The following EZH1 variants were observed in gnomAD, a reference collection of about 807,000 sequenced individuals.
EZH1 encodes enhancer of zeste 1 polycomb repressive complex 2 subunit.
Under a neutral mutation model 100.5 loss-of-function variants are expected in EZH1, and 33 were observed. The observed-to-expected ratio is 0.33, with a 90% CI of 0.25 to 0.44. The LOEUF is 0.44. Ranked by LOEUF, EZH1 falls within the 20% of genes least tolerant of loss-of-function variation. EZH1 has a pLI of 1.00. For synonymous variants in EZH1, 272 were observed against 313.8 expected (o/e 0.87, Z 1.41); for missense variants, 475 against 928.4 (o/e 0.51, Z 6.35).
At chr17:42,744,921 AT>A in intron 1 of EZH1, 89 bp downstream of exon 1, 1 of 1,214,780 alleles carries the variant, frequency 8.2e-7, no homozygotes, top group South Asian at 1.3e-5. Context: ...CAATTTCCTG[AT>A]CCCTCCGCCT....
intron 2 of EZH1, among the ~76,000 whole-genome samples, chr17:42,729,684 A>G (rs1036126733): frequency 2.6e-5 from 4 of 151,402 alleles, no homozygotes; most frequent in African/African-American, 9.7e-5. Context: ...AGTTGCAGTA[A>G]GCCGAGATCG....
chr17:42,722,931 A>T lies in EZH1; in HGVS notation c.367-16T>A. The T allele has an allele frequency of 6.2e-7, 1 of 1,610,426 alleles. No homozygotes were observed. Among genetic ancestry groups the T allele is most frequent in the Non-Finnish European group, 8.5e-7 (1 of 1,178,638 alleles). On this transcript the variant is annotated splice_polypyrimidine_tract_variant and intron_variant, in intron 5 of 20. Coordinates refer to ENST00000428826, the MANE Select transcript of EZH1 (RefSeq NM_001991.5). ...CATCTTCTACCTGAAACCAAACCAG[A>T]TGTGATTTATTCCATGAAGCCATCA...
intron 1 of EZH1, among the ~76,000 whole-genome samples, chr17:42,743,329 C>T (rs1380134161): frequency 6.6e-6 from 1 of 151,734 alleles, no homozygotes; most frequent in African/African-American, 2.4e-5. Context: ...TGCCACCACA[C>T]CTGATTAATT....
rs570884923 is a variant in EZH1, at chr17:42,705,770, G to A, written c.1839+237C>T. ...CTTGACCTCATGATCCGCTGGCCTC[G>A]GCCTCCCAAACTGCTGGGATTACAG... On this transcript the variant is annotated intron_variant, in intron 16 of 20. Transcript: ENST00000428826. 1.1e-3 allele frequency: 366 copies of A among 346,344 alleles called. 1 individual carries two copies. Among genetic ancestry groups the A allele is most frequent in the Admixed American group, 1.4e-3 (32 of 22,074 alleles). The allele number at this position is 346,344 out of a possible 1,614,324, so 21.5% of individuals were successfully genotyped here.
At chr17:42,740,963 TAC>T (rs2054165042) in intron 1 of EZH1, among the ~76,000 whole-genome samples, 1 of 152,208 alleles carries the variant, frequency 6.6e-6, no homozygotes, top group South Asian at 2.1e-4. Context: ...ATCCAATATG[TAC>T]ACAGTTTGGA....
chr17:42,713,663 C>T (rs1430559704), intron 10 of EZH1, among the ~76,000 whole-genome samples: 1 of 152,088 alleles, frequency 6.6e-6, no homozygotes, highest in Non-Finnish European at 1.5e-5. Flanking sequence ...AGTGCAGAGG[C>T]CTGCTCACTG....
Position 42,700,590 on chromosome 17 carries a change from AC to A in EZH1, c.*1941del, listed in dbSNP as rs1307841089. On this transcript the variant is annotated 3_prime_UTR_variant, in exon 21 of 21. Transcript: ENST00000428826. ...AAAGGCTGGTGAAAAGTTTTTTTTC[AC>A]CTATTCCTCACAGCGAGCCCCTGGC... 6.6e-6 allele frequency: 1 copy of A among 152,124 alleles called. No homozygotes were observed. The highest frequency in any genetic ancestry group is 1.5e-5 in the Non-Finnish European group (1 of 68,002). The allele number at this position is 152,124 out of a possible 1,614,324, so 9.4% of individuals were successfully genotyped here. A position where few individuals can be genotyped will look rare whatever the true frequency, so the allele number is the denominator to read the frequency against.
At chr17:42,733,483 T>C (rs2053997184) in intron 1 of EZH1, among the ~76,000 whole-genome samples, 1 of 148,934 alleles carries the variant, frequency 6.7e-6, no homozygotes, top group Admixed American at 6.8e-5. Flanking sequence ...CTTCTAAAAA[T>C]ACAAAAAATT....
chr17:42,729,204 T>G, intron 2 of EZH1: 1 of 312,412 alleles, frequency 3.2e-6, no homozygotes, highest in Non-Finnish European at 6.0e-6. Context: ...CCCAGTGATT[T>G]GAGACAACCT....
chr17:42,702,726 G>A, intron 20 of EZH1, 134 bp from the exon 21 acceptor site: 1 of 1,259,322 alleles, frequency 7.9e-7, no homozygotes, highest in Non-Finnish European at 1.1e-6. Context: ...CTGAGGCAAG[G>A]CACCAGATAT....
chr17:42,729,467 G>A (rs2053893285), intron 2 of EZH1, among the ~76,000 whole-genome samples: 1 of 151,982 alleles, frequency 6.6e-6, no homozygotes, highest in African/African-American at 2.4e-5. Context: ...GGTGGCTCAC[G>A]CCTGTAATCC....
Position 42,724,933 on chromosome 17 carries a change from C to G in EZH1, c.247-509G>C, listed in dbSNP as rs968358433. Among the ~76,000 whole-genome samples the G allele has an allele frequency of 3.9e-5, 6 of 152,082 alleles. No homozygotes were observed. In the East Asian group the frequency reaches 1.2e-3, roughly 29 times the overall value. On this transcript the variant is annotated intron_variant, in intron 4 of 20. Transcript: ENST00000428826. ...CCTGTAATCCCAGCACTTTGGGAGA[C>G]CGAGGCGGGTGGATCATGAAGTCAG... is the stretch of plus-strand genomic sequence containing the variant.
chr17:42,704,558 A>G, intron 18 of EZH1, 44 bp downstream of exon 18: 3 of 1,528,520 alleles, frequency 2.0e-6, no homozygotes, highest in Non-Finnish European at 2.7e-6. Context: ...AAAAAAAGAA[A>G]AAAAAAAAAG....
chr17:42,727,525 G>T, intron 4 of EZH1, 110 bp downstream of exon 4: 1 of 1,318,082 alleles, frequency 7.6e-7, no homozygotes, highest in Non-Finnish European at 1.0e-6. Flanking sequence ...ATACTTGTGT[G>T]AGCCACCATA....
chr17:42,728,658 C>T (rs1299068804), intron 3 of EZH1, among the ~76,000 whole-genome samples, 167 bp downstream of exon 3: 3 of 150,708 alleles, frequency 2.0e-5, no homozygotes, highest in Non-Finnish European at 3.0e-5. Flanking sequence ...AGGAGAATGG[C>T]GTGAACCTGC....
intron 1 of EZH1, among the ~76,000 whole-genome samples, chr17:42,738,363 T>C (rs1002547588): frequency 1.2e-4 from 18 of 152,122 alleles, no homozygotes; most frequent in African/African-American, 4.3e-4. Context: ...ATAATTTTAT[T>C]AACCAGCAAG....
chr17:42,703,872 C>A (rs1283572846), intron 18 of EZH1, 52 bp from the exon 19 acceptor site: 1 of 1,270,148 alleles, frequency 7.9e-7, no homozygotes, highest in African/African-American at 1.5e-5. Context: ...AATTCCACAG[C>A]TTCTCAGCTT....
intron 10 of EZH1, among the ~76,000 whole-genome samples, chr17:42,714,953 AATAT>A (rs1215396550): frequency 7.2e-6 from 1 of 139,426 alleles, no homozygotes; most frequent in African/African-American, 2.6e-5. Context: ...ATATTTATAT[AATAT>A]ATAAATATAT....
chr17:42,722,235 T>G (rs1169132919), intron 6 of EZH1, among the ~76,000 whole-genome samples: 1 of 149,378 alleles, frequency 6.7e-6, no homozygotes, highest in East Asian at 2.0e-4. Flanking sequence ...GAAAATCACT[T>G]AAGCCCAGGA....
Sources: allele counts gnomAD v4.1 joint callset (sites outside exome capture counted in the v4.1 genomes callset), GRCh38; gene constraint gnomAD v4.1.1; transcripts MANE v1.5; gene names NCBI Gene and HGNC (gene_info 2026-07-23, HGNC 2026-07-21).